Variants in KLHL29 observed in about 807,000 individuals in gnomAD.
KLHL29 encodes kelch like family member 29, also known as kelch-like protein 29.
A neutral mutation model predicts 80.4 loss-of-function variants in KLHL29; 21 were observed. That is an observed-to-expected ratio of 0.26 (90% CI 0.19 to 0.38). The LOEUF (loss-of-function observed/expected upper bound fraction) is 0.38, where lower values mean the gene tolerates loss of function less well. Ranked by LOEUF, KLHL29 falls within the 10% of genes least tolerant of loss-of-function variation. KLHL29 has a pLI of 1.00. For missense variants in KLHL29, 867 were observed against 1,223.9 expected, an observed-to-expected ratio of 0.71 and a Z score of 4.35; for synonymous variants, 511 against 526.8, an observed-to-expected ratio of 0.97 and a Z score of 0.41.
chr2:23,432,342 G>T (rs1208873586), intron 1 of KLHL29, among the ~76,000 whole-genome samples: 2 of 152,228 alleles, frequency 1.3e-5, no homozygotes, highest in Non-Finnish European at 2.9e-5. Flanking sequence ...TGCCCTACGA[G>T]CAACACACCT....
At chr2:23,590,561 G>A (rs1668233300) in intron 3 of KLHL29, among the ~76,000 whole-genome samples, 1 of 152,140 alleles carries the variant, frequency 6.6e-6, no homozygotes, top group Non-Finnish European at 1.5e-5. Flanking sequence ...GCCATGCCGA[G>A]GCCCTGGTTC....
At chr2:23,620,095 G>A (rs575133658) in intron 3 of KLHL29, among the ~76,000 whole-genome samples, 1 of 152,276 alleles carries the variant, frequency 6.6e-6, no homozygotes, top group East Asian at 1.9e-4. Flanking sequence ...AGGATAAGAT[G>A]GAGCGAGCCT....
At position 23,390,808 on chromosome 2, in the gene KLHL29, C is replaced by T. The variant is rs113131809; in HGVS notation, c.-154+5028C>T. Reference sequence around the variant, plus strand: ...CTGGGATTACAGGCGCCTGCCACCACGCCCAGCAAATTTTTTTGCATTTTT... The same window carrying T: ...CTGGGATTACAGGCGCCTGCCACCATGCCCAGCAAATTTTTTTGCATTTTT... On this transcript the variant is annotated intron_variant, in intron 1 of 13. Coordinates refer to ENST00000486442, the MANE Select transcript of KLHL29 (RefSeq NM_052920.2). 7.9e-3 allele frequency among the ~76,000 whole-genome samples: 1,202 copies of T among 151,998 alleles called. 9 individuals are homozygous for T. The highest frequency in any genetic ancestry group is 0.027 in the African/African-American group (1,132 of 41,456).
chr2:23,593,456 G>C (rs184337603), intron 3 of KLHL29, among the ~76,000 whole-genome samples: 4 of 152,298 alleles, frequency 2.6e-5, no homozygotes, highest in Admixed American at 1.3e-4. Context: ...CGGTCTCCAG[G>C]CCTATGTGTC....
chr2:23,529,254 T>A (rs1666423430), intron 2 of KLHL29, among the ~76,000 whole-genome samples: 1 of 152,066 alleles, frequency 6.6e-6, no homozygotes, highest in African/African-American at 2.4e-5. Context: ...GGACTACAGA[T>A]GCACACCACC....
intron 5 of KLHL29, chr2:23,670,385 T>C (rs1449277532): frequency 6.6e-6 from 1 of 152,320 alleles, no homozygotes; most frequent in Non-Finnish European, 1.5e-5. Flanking sequence ...GGGGCACGAC[T>C]GGACTCGCCG....
chr2:23,578,635 C>T (rs1667900557), intron 3 of KLHL29, among the ~76,000 whole-genome samples: 1 of 152,328 alleles, frequency 6.6e-6, no homozygotes, highest in East Asian at 1.9e-4. Context: ...TTAGGTTCTG[C>T]ATTGCTGGCA....
intron 1 of KLHL29, among the ~76,000 whole-genome samples, chr2:23,397,509 G>A (rs558636649): frequency 2.0e-5 from 3 of 152,324 alleles, no homozygotes; most frequent in South Asian, 2.1e-4. Flanking sequence ...ATACCTTCCC[G>A]AATGCCTGGT....
intron 2 of KLHL29, among the ~76,000 whole-genome samples, chr2:23,556,840 G>T (rs2103493130): frequency 6.6e-6 from 1 of 152,302 alleles, no homozygotes; most frequent in African/African-American, 2.4e-5. Context: ...CCTCAGCGTG[G>T]CCTATTTCCA....
At chr2:23,525,781 T>G (rs1186238001) in intron 2 of KLHL29, among the ~76,000 whole-genome samples, 1 of 142,214 alleles carries the variant, frequency 7.0e-6, no homozygotes, top group African/African-American at 2.6e-5. Flanking sequence ...CCGCTATTTT[T>G]AGAAAGCTAT....
At chr2:23,512,683 C>T (rs1285124880) in intron 2 of KLHL29, among the ~76,000 whole-genome samples, 3 of 152,210 alleles carry the variant, frequency 2.0e-5, no homozygotes, top group Non-Finnish European at 4.4e-5. Context: ...TTTTCCTTAT[C>T]GTGATCTATA....
At chr2:23,431,729 T>G (rs1433865379) in intron 1 of KLHL29, among the ~76,000 whole-genome samples, 1 of 151,856 alleles carries the variant, frequency 6.6e-6, no homozygotes, top group African/African-American at 2.4e-5. Context: ...CCGTCTCTAC[T>G]AAAAGTACAA....
intron 5 of KLHL29, among the ~76,000 whole-genome samples, chr2:23,675,812 G>A (rs1670903048): frequency 6.6e-6 from 1 of 152,202 alleles, no homozygotes; most frequent in South Asian, 2.1e-4. Context: ...AGTTAGAGGG[G>A]CTTGACTTTT....
intron 2 of KLHL29, among the ~76,000 whole-genome samples, chr2:23,534,921 C>T (rs540890399): frequency 2.5e-4 from 38 of 152,310 alleles, no homozygotes; most frequent in Non-Finnish European, 4.0e-4. Flanking sequence ...GCAGCAGTAT[C>T]GACTGGCCCT....
At chr2:23,590,900 T>C (rs1375860550) in intron 3 of KLHL29, among the ~76,000 whole-genome samples, 1 of 152,056 alleles carries the variant, frequency 6.6e-6, no homozygotes, top group Non-Finnish European at 1.5e-5. Context: ...TGTGCTGAAG[T>C]GAGAGGCCCT....
At chr2:23,686,919 A>G (rs1290640696) in intron 6 of KLHL29, among the ~76,000 whole-genome samples, 2 of 152,196 alleles carry the variant, frequency 1.3e-5, no homozygotes, top group Non-Finnish European at 2.9e-5. Context: ...CACATGACCA[A>G]GAAGTGCCTT....
At chr2:23,564,000 G>A (rs372183223) in intron 3 of KLHL29, among the ~76,000 whole-genome samples, 110 of 152,380 alleles carry the variant, frequency 7.2e-4, no homozygotes, top group Non-Finnish European at 1.5e-3. Context: ...CGCTGGACCT[G>A]CTGGCCACAT....
rs745391974 is a variant in KLHL29 at position 23,503,666 on chromosome 2, T to C, written c.-46+27999T>C. On this transcript the variant is annotated intron_variant, in intron 2 of 13. Transcript: ENST00000486442. This position sits in a 1 kb window ranked among gnomAD's most constrained non-coding sequence, Gnocchi z 4.0. ...GTTGGGTAGGAGCTGCCCCCGTCCATGTTCCAGCTCCTCCCAGGCCCCCAT... is the reference window on the plus strand; with the variant it reads ...GTTGGGTAGGAGCTGCCCCCGTCCACGTTCCAGCTCCTCCCAGGCCCCCAT... 4.0e-5 allele frequency among the ~76,000 whole-genome samples: 6 copies of C among 151,660 alleles called. No homozygotes were observed. Among genetic ancestry groups the C allele is most frequent in the Non-Finnish European group, 7.4e-5 (5 of 67,956 alleles).
At chr2:23,572,700 CTTTTT>C (rs67663284) in intron 3 of KLHL29, among the ~76,000 whole-genome samples, 1 of 136,862 alleles carries the variant, frequency 7.3e-6, no homozygotes, top group Non-Finnish European at 1.6e-5. Context: ...ACAGTGATTT[CTTTTT>C]TTTTTTTTTT....
Sources: allele counts gnomAD v4.1 joint callset (sites outside exome capture counted in the v4.1 genomes callset), GRCh38; gene constraint gnomAD v4.1.1; non-coding constraint Gnocchi (gnomAD v3.1); transcripts MANE v1.5; gene names NCBI Gene and HGNC (gene_info 2026-07-23, HGNC 2026-07-21).